The following CAST variants were observed in gnomAD, a reference collection of about 807,000 sequenced individuals.
The protein encoded by CAST is calpastatin.
CAST carries 76 observed loss-of-function variants against 119.6 expected under a neutral mutation model. That is an observed-to-expected ratio of 0.64 (90% CI 0.53 to 0.77). CAST has a LOEUF of 0.77. Among genes scored for constraint, CAST ranks in the 30% least tolerant of loss-of-function variants. The pLI, the probability that CAST is intolerant of heterozygous loss-of-function variation, is 0.00. For missense variants in CAST, 953 were observed against 946.5 expected, an observed-to-expected ratio of 1.01 and a Z score of -0.09; for synonymous variants, 319 against 331.6, an observed-to-expected ratio of 0.96 and a Z score of 0.41.
the CAST span, among the ~76,000 whole-genome samples, chr5:95,968,931 G>A: frequency 6.6e-6 from 1 of 152,128 alleles, no homozygotes; most frequent in African/African-American, 2.4e-5. Context: ...CACTATGCAG[G>A]GACTAATTCA....
At chr5:96,670,559 A>G (rs937193669) in intron 1 of CAST, among the ~76,000 whole-genome samples, 1 of 151,924 alleles carries the variant, frequency 6.6e-6, no homozygotes, top group East Asian at 1.9e-4. Context: ...GTGCAATGGC[A>G]CGATCTCAGC....
intron 3 of CAST, among the ~76,000 whole-genome samples, chr5:96,714,458 C>T (rs1756838604): frequency 2.0e-5 from 3 of 152,206 alleles, no homozygotes; most frequent in African/African-American, 7.2e-5. Context: ...TTAAGAGCTC[C>T]AAGTCACATG....
chr5:96,634,351 T>C (rs1365853019), intron 1 of CAST, among the ~76,000 whole-genome samples: 2 of 152,258 alleles, frequency 1.3e-5, no homozygotes, highest in Non-Finnish European at 2.9e-5. Flanking sequence ...AGTTCTACAA[T>C]GCAAGATTGT....
At chr5:96,539,598 T>C (rs1347199350) in intron 1 of CAST, among the ~76,000 whole-genome samples, 1 of 152,170 alleles carries the variant, frequency 6.6e-6, no homozygotes, top group Non-Finnish European at 1.5e-5. Flanking sequence ...TCCATCATAA[T>C]AGTATCACAC....
At chr5:96,606,747 G>T (rs1184071477) in intron 1 of CAST, among the ~76,000 whole-genome samples, 1 of 152,200 alleles carries the variant, frequency 6.6e-6, no homozygotes, top group Non-Finnish European at 1.5e-5. Flanking sequence ...TGTGCCACCT[G>T]TGCCCAACTT....
chr5:96,327,679 T>C, the CAST span, among the ~76,000 whole-genome samples: 3 of 152,228 alleles, frequency 2.0e-5, no homozygotes, highest in Non-Finnish European at 2.9e-5. Flanking sequence ...GAGAAGGTTT[T>C]CTTCGCATGT....
the CAST span, among the ~76,000 whole-genome samples, chr5:96,335,384 G>A: frequency 6.6e-6 from 1 of 152,206 alleles, no homozygotes; most frequent in South Asian, 2.1e-4. Context: ...TGGGGCATTT[G>A]GCCATGTTGC....
chr5:96,283,983 C>T, the CAST span, among the ~76,000 whole-genome samples: 2 of 152,088 alleles, frequency 1.3e-5, no homozygotes, highest in African/African-American at 4.8e-5. Context: ...ATGCTCTTAC[C>T]ATTGGACTGG....
chr5:96,697,653 A>G (rs188810079), intron 3 of CAST, among the ~76,000 whole-genome samples: 2 of 152,330 alleles, frequency 1.3e-5, no homozygotes, highest in Admixed American at 1.3e-4. Flanking sequence ...TGCTGGAGAC[A>G]CCACAGCATT....
intron 1 of CAST, among the ~76,000 whole-genome samples, chr5:96,582,633 G>T (rs930664647): frequency 6.6e-6 from 1 of 152,182 alleles, no homozygotes; most frequent in Non-Finnish European, 1.5e-5. Flanking sequence ...TGAGCAGTGC[G>T]CGGCTGGAAG....
At chr5:96,222,837 A>G in the CAST span, among the ~76,000 whole-genome samples, 4 of 152,200 alleles carry the variant, frequency 2.6e-5, no homozygotes, top group Non-Finnish European at 4.4e-5. Flanking sequence ...CACCATTCAC[A>G]ATAGCATAGA....
At chr5:96,633,699 A>G (rs1747850050) in intron 1 of CAST, among the ~76,000 whole-genome samples, 1 of 152,214 alleles carries the variant, frequency 6.6e-6, no homozygotes, top group African/African-American at 2.4e-5. Context: ...AAAGACCATC[A>G]TGTTCTGTTC....
chr5:96,473,057 C>A, the CAST span, among the ~76,000 whole-genome samples: 1 of 152,186 alleles, frequency 6.6e-6, no homozygotes, highest in African/African-American at 2.4e-5. Flanking sequence ...CCTCTCCTTT[C>A]TCTTGTACAG....
At chr5:96,203,999 G>A in the CAST span, among the ~76,000 whole-genome samples, 1 of 152,016 alleles carries the variant, frequency 6.6e-6, no homozygotes, top group African/African-American at 2.4e-5. Context: ...GTAGGGTTTC[G>A]AAGGAATGGA....
At chr5:96,585,972 G>A (rs1166725827) in intron 1 of CAST, among the ~76,000 whole-genome samples, 1 of 152,112 alleles carries the variant, frequency 6.6e-6, no homozygotes, top group Non-Finnish European at 1.5e-5. Context: ...TTCCAATAAT[G>A]AAATGTCTTT....
the CAST span, chr5:96,397,617 A>C: frequency 4.3e-6 from 3 of 693,756 alleles, no homozygotes; most frequent in Admixed American, 7.0e-5. Flanking sequence ...GACACTCACA[A>C]GGAAAAAATA....
rs79809612 is a variant in CAST, at chr5:96,757,607, G to A, written c.1786G>A (p.Asp596Asn). 1.5e-5 allele frequency: 24 copies of A among 1,613,742 alleles called. No individual in the cohort carries two copies. The highest frequency in any genetic ancestry group is 1.9e-5 in the Non-Finnish European group (23 of 1,179,834). The change falls in exon 24 of 32, where the codon GAT becomes AAT. Residue 596 changes from aspartate (D) to asparagine (N), a missense_variant. Transcript: ENST00000675179. ...LPPMSEDFLL[D>N]ALSEDFSGPQ... Reference sequence around the variant, plus strand: ...GCCCATGAGTGAAGACTTCCTTCTGGATGCTTTGTCTGAGGACTTCTCTGG... The same window carrying A: ...GCCCATGAGTGAAGACTTCCTTCTGAATGCTTTGTCTGAGGACTTCTCTGG...
At chr5:96,411,007 C>T in the CAST span, 1 of 1,542,860 alleles carries the variant, frequency 6.5e-7, no homozygotes, top group African/African-American at 1.4e-5. Context: ...AGCCAGAATG[C>T]ATATTATCTG....
At chr5:96,443,303 C>T in the CAST span, among the ~76,000 whole-genome samples, 1 of 152,156 alleles carries the variant, frequency 6.6e-6, no homozygotes, top group South Asian at 2.1e-4. Flanking sequence ...TATGAAGATG[C>T]ATAACTAGAC....
Sources: allele counts gnomAD v4.1 joint callset (sites outside exome capture counted in the v4.1 genomes callset), GRCh38; gene constraint gnomAD v4.1.1; transcripts MANE v1.5; gene names NCBI Gene and HGNC (gene_info 2026-07-23, HGNC 2026-07-21).